Variants in TLE1 observed in about 807,000 individuals in gnomAD.
The protein encoded by TLE1 is transducin-like enhancer protein 1.
In TLE1, 21 loss-of-function variants were observed where a neutral mutation model predicts 89.8. The observed-to-expected ratio is 0.23, with a 90% CI of 0.17 to 0.34. TLE1 has a LOEUF of 0.34. Ranked by LOEUF, TLE1 falls within the 10% of genes least tolerant of loss-of-function variation. The pLI is 1.00. For missense variants in TLE1, 795 were observed against 1,031.2 expected (o/e 0.77, Z 3.14); for synonymous variants, 447 against 407.6 (o/e 1.10, Z -1.16).
intron 12 of TLE1, among the ~76,000 whole-genome samples, chr9:81,612,847 C>A (rs1480275306): frequency 1.3e-5 from 2 of 152,224 alleles, no homozygotes. Context: ...CACCTGAGGT[C>A]AGGAGTTTGA....
intron 4 of TLE1, among the ~76,000 whole-genome samples, chr9:81,657,532 C>G (rs189580342): frequency 2.4e-4 from 36 of 152,232 alleles, no homozygotes; most frequent in Non-Finnish European, 4.7e-4. Flanking sequence ...TAGACTTGAA[C>G]ATGGTCGGAG....
rs532289964 is a variant in TLE1 at position 81,672,420 on chromosome 9, G to A, written c.234+13256C>T. On this transcript the variant is annotated intron_variant, in intron 4 of 19. Transcript: ENST00000376499. ...GCGATCTTGGCTCACTGCAACCTCC[G>A]CCTCCCAGGTTCAAGTGATTGTCCC... Among the ~76,000 whole-genome samples, 4 of 150,376 alleles carry A rather than the reference G, an allele frequency of 2.7e-5. No homozygotes were observed. In the South Asian group the frequency reaches 6.3e-4, roughly 24 times the overall value.
chr9:81,645,366 C>CAAA (rs59412201), intron 6 of TLE1, among the ~76,000 whole-genome samples: 1 of 141,502 alleles, frequency 7.1e-6, no homozygotes, highest in Non-Finnish European at 1.5e-5. Flanking sequence ...ACTCCGTCTC[C>CAAA]AAAAAAAAAA....
chr9:81,659,689 T>A (rs1830538788), intron 4 of TLE1, among the ~76,000 whole-genome samples: 1 of 152,138 alleles, frequency 6.6e-6, no homozygotes, highest in Admixed American at 6.5e-5. Flanking sequence ...GGTAATACAG[T>A]TAGCCCTCAT....
At position 81,620,511 on chromosome 9, in the gene TLE1, C is replaced by T. The variant is rs889353054; in HGVS notation, c.641G>A (p.Arg214His). The T allele has an allele frequency of 6.2e-6, 10 of 1,613,942 alleles. 1 individual carries two copies. The highest frequency in any genetic ancestry group is 4.5e-5 in the East Asian group (2 of 44,868). ...ATTGGAAAATTCAGGTCCATTTCTG[C>T]GTTTATCTGTGCCTCTTAGACTGTC... ...VPDSLRGTDK[R>H]RNGPEFSNDI... The change falls in exon 9 of 20, where the codon CGC becomes CAC. Residue 214 changes from arginine (R) to histidine (H), a missense_variant. Arg to His is a conservative substitution (Grantham distance 29). This residue lies in a region of TLE1 where 468 missense variants were observed against 509.1 expected (regional missense o/e 0.92). Coordinates refer to ENST00000376499, the MANE Select transcript of TLE1 (RefSeq NM_005077.5).
Position 81,584,135 on chromosome 9 carries a change from A to G in TLE1, c.*63T>C. 1 of 1,428,882 alleles carries G rather than the reference A, an allele frequency of 7.0e-7. No individual in the cohort carries two copies. The highest frequency in any genetic ancestry group is 9.8e-7 in the Non-Finnish European group (1 of 1,017,772). 88.5% of individuals were successfully genotyped at this position (1,428,882 alleles called of 1,614,324 possible). On this transcript the variant is annotated 3_prime_UTR_variant, in exon 20 of 20. Transcript: ENST00000376499. ...TCTCTTTTAAAGTTACAACTTTTCT[A>G]TTTCTATAAATTCGAAACATTTTGG...
In TLE1 at chr9:81,620,536, C is replaced by A. The variant is rs1344052476; in HGVS notation, c.616G>T (p.Asp206Tyr). ...CGTTTATCTGTGCCTCTTAGACTGT[C>A]TGGGACCAGGAGGGAATTACTCTGC... ...PGTSNSLLVP[D>Y]SLRGTDKRRN... is the part of the protein sequence containing the mutation. Residue 206 changes from aspartate to tyrosine, a missense_variant, in exon 9 of 20, where the codon GAC (aspartate) becomes TAC (tyrosine). By Grantham distance (160) the Asp-to-Tyr change is radical (BLOSUM62 -3). Coordinates refer to ENST00000376499, the MANE Select transcript of TLE1 (RefSeq NM_005077.5). The A allele has an allele frequency of 6.2e-7, 1 of 1,612,340 alleles. No homozygotes were observed. The highest frequency in any genetic ancestry group is 1.3e-5 in the African/African-American group (1 of 74,816).
At chr9:81,599,821 T>C in intron 14 of TLE1, 1 of 354,496 alleles carries the variant, frequency 2.8e-6, no homozygotes, top group Non-Finnish European at 5.1e-6. Flanking sequence ...TATTAACAAC[T>C]AACTTGAAAG....
At chr9:81,614,217 C>CT (rs1824115108) in intron 11 of TLE1, among the ~76,000 whole-genome samples, 1 of 152,124 alleles carries the variant, frequency 6.6e-6, no homozygotes, top group African/African-American at 2.4e-5. Context: ...CAGAAGACCC[C>CT]TTTTCAAGTC....
chr9:81,667,337 A>G (rs1015172170), intron 4 of TLE1, among the ~76,000 whole-genome samples: 1 of 147,612 alleles, frequency 6.8e-6, no homozygotes, highest in East Asian at 2.0e-4. Flanking sequence ...CAGAAGTTGC[A>G]GTGAGCCGAG....
intron 11 of TLE1, among the ~76,000 whole-genome samples, chr9:81,615,535 C>T (rs902607874): frequency 3.7e-5 from 4 of 109,008 alleles, no homozygotes; most frequent in Non-Finnish European, 6.9e-5. Context: ...CCCATCTCTA[C>T]TAAAAATACA....
At chr9:81,614,617 C>T (rs118014419) in intron 11 of TLE1, among the ~76,000 whole-genome samples, 47 of 152,176 alleles carry the variant, frequency 3.1e-4, no homozygotes, top group East Asian at 1.9e-3. Flanking sequence ...CCCTCCCAAC[C>T]GGTAAAATGG....
intron 14 of TLE1, among the ~76,000 whole-genome samples, chr9:81,606,861 A>G (rs1392833752): frequency 1.3e-5 from 2 of 151,746 alleles, no homozygotes; most frequent in Non-Finnish European, 2.9e-5. Flanking sequence ...GGCAAAGTTC[A>G]TTTTTCCTTC....
In TLE1 at chr9:81,634,407, G is replaced by T. The variant is rs1001151299; in HGVS notation, c.373-106C>A. Reference sequence around the variant, plus strand: ...CAGGGGAAAACAGACATGACAGGAGGGGAAGGCGGAAACAGAACAGGAGGT... The same window carrying T: ...CAGGGGAAAACAGACATGACAGGAGTGGAAGGCGGAAACAGAACAGGAGGT... On this transcript the variant is annotated intron_variant, in intron 6 of 19. Transcript: ENST00000376499. The T allele has an allele frequency of 1.4e-5, 13 of 929,760 alleles. No homozygotes were observed. In the African/African-American group the frequency reaches 2.2e-4, roughly 16 times the overall value. The allele number at this position is 929,760 out of a possible 1,614,324, so 57.6% of individuals were successfully genotyped here.
At chr9:81,605,174 T>C (rs1290234670) in intron 14 of TLE1, among the ~76,000 whole-genome samples, 1 of 152,202 alleles carries the variant, frequency 6.6e-6, no homozygotes, top group African/African-American at 2.4e-5. Context: ...GTATAACTTT[T>C]AACGCCTTGT....
intron 4 of TLE1, among the ~76,000 whole-genome samples, chr9:81,684,379 A>T (rs536946623): frequency 6.1e-5 from 9 of 148,086 alleles, no homozygotes; most frequent in Non-Finnish European, 1.2e-4. Flanking sequence ...TTAAAGGCCC[A>T]ATTACATTAT....
chr9:81,687,244 G>A, intron 2 of TLE1, 90 bp downstream of exon 2: 1 of 1,065,982 alleles, frequency 9.4e-7, no homozygotes, highest in Non-Finnish European at 1.4e-6. Flanking sequence ...CTGGACGCAA[G>A]AACTAAGTAC....
At chr9:81,644,850 C>T (rs1340372949) in intron 6 of TLE1, among the ~76,000 whole-genome samples, 1 of 150,690 alleles carries the variant, frequency 6.6e-6, no homozygotes, top group Non-Finnish European at 1.5e-5. Flanking sequence ...AAAAATTAGC[C>T]AGGCATGGTG....
intron 6 of TLE1, among the ~76,000 whole-genome samples, chr9:81,644,048 G>T (rs542359459): frequency 6.6e-6 from 1 of 152,124 alleles, no homozygotes; most frequent in Non-Finnish European, 1.5e-5. Context: ...CGGGAGATGC[G>T]GCCTCACACC....
Sources: allele counts gnomAD v4.1 joint callset (sites outside exome capture counted in the v4.1 genomes callset), GRCh38; gene constraint gnomAD v4.1.1; regional missense constraint gnomAD v4.1.1; transcripts MANE v1.5; gene names NCBI Gene and HGNC (gene_info 2026-07-23, HGNC 2026-07-21).